The following SLC35F1 variants were observed in gnomAD, a reference collection of about 807,000 sequenced individuals.
SLC35F1 encodes chromosome 6 open reading frame 169.
In SLC35F1, 14 loss-of-function variants were observed where a neutral mutation model predicts 48.7. The observed-to-expected ratio is 0.29, with a 90% CI of 0.19 to 0.45. The LOEUF (loss-of-function observed/expected upper bound fraction) is 0.45, where lower values mean the gene tolerates loss of function less well. Ranked by LOEUF, SLC35F1 falls within the 20% of genes least tolerant of loss-of-function variation. The probability of loss-of-function intolerance (pLI) is 1.00; values close to 1 mark genes in which losing one functional copy is unlikely to be tolerated. For missense variants in SLC35F1, 404 were observed against 500.0 expected (o/e 0.81, Z 1.83); for synonymous variants, 190 against 202.2 (o/e 0.94, Z 0.51).
chr6:118,218,059 A>C (rs1190146798), intron 2 of SLC35F1, among the ~76,000 whole-genome samples: 3 of 152,132 alleles, frequency 2.0e-5, no homozygotes, highest in Non-Finnish European at 4.4e-5. Flanking sequence ...GTAGAATGCA[A>C]GTCTTGGGAT....
chr6:118,121,513 T>C (rs1582677146), intron 1 of SLC35F1, among the ~76,000 whole-genome samples: 1 of 152,280 alleles, frequency 6.6e-6, no homozygotes, highest in Non-Finnish European at 1.5e-5. Flanking sequence ...TATCTGGAAA[T>C]ATTCTTTTCC....
intron 7 of SLC35F1, among the ~76,000 whole-genome samples, chr6:118,301,469 C>A (rs1487229612): frequency 6.6e-6 from 1 of 152,066 alleles, no homozygotes; most frequent in Non-Finnish European, 1.5e-5. Context: ...ACCATCATAA[C>A]TGTATGCAGT....
At chr6:118,176,977 G>A (rs1345628483) in intron 2 of SLC35F1, among the ~76,000 whole-genome samples, 1 of 152,034 alleles carries the variant, frequency 6.6e-6, no homozygotes, top group Non-Finnish European at 1.5e-5. Context: ...TTGCAGGAAA[G>A]CATATTACCA....
At chr6:117,998,592 A>T (rs1446256020) in intron 1 of SLC35F1, among the ~76,000 whole-genome samples, 1 of 150,456 alleles carries the variant, frequency 6.6e-6, no homozygotes, top group African/African-American at 2.4e-5. Flanking sequence ...ACCACAGTGC[A>T]ATCCAACTAG....
intron 2 of SLC35F1, among the ~76,000 whole-genome samples, chr6:118,201,756 G>A (rs558215147): frequency 6.6e-6 from 1 of 152,170 alleles, no homozygotes; most frequent in South Asian, 2.1e-4. Context: ...ATACCCCATT[G>A]GTATGACTAG....
At chr6:118,249,991 G>A (rs933326032) in intron 3 of SLC35F1, among the ~76,000 whole-genome samples, 2 of 152,186 alleles carry the variant, frequency 1.3e-5, no homozygotes, top group Non-Finnish European at 1.5e-5. Context: ...GATTTATACA[G>A]TACAGCTAAC....
intron 7 of SLC35F1, among the ~76,000 whole-genome samples, chr6:118,287,845 T>C (rs1776069665): frequency 6.6e-6 from 1 of 152,210 alleles, no homozygotes; most frequent in African/African-American, 2.4e-5. Context: ...CTGTCATTTG[T>C]ATATTACTAT....
chr6:118,209,664 TA>T (rs1743799980), intron 2 of SLC35F1, among the ~76,000 whole-genome samples: 1 of 152,014 alleles, frequency 6.6e-6, no homozygotes, highest in African/African-American at 2.4e-5. Context: ...TATTAAAGAT[TA>T]TATATATTGT....
At chr6:117,981,089 G>A (rs529451144) in intron 1 of SLC35F1, among the ~76,000 whole-genome samples, 3 of 152,336 alleles carry the variant, frequency 2.0e-5, no homozygotes, top group South Asian at 4.1e-4. Context: ...GGCAAAAGGA[G>A]ATTCCCTGTT....
In SLC35F1 at chr6:118,109,821, T is replaced by G. The variant is rs552280626; in HGVS notation, c.174-44624T>G. The stretch of plus-strand genomic sequence containing the variant: ...TTTCATGACCTGCTTAGTGACCCAG[T>G]GCAGTCAGTTAACAGGCTTCAGAAA... On this transcript the variant is annotated intron_variant, in intron 1 of 7. Transcript: ENST00000360388. Among the ~76,000 whole-genome samples the G allele has an allele frequency of 9.3e-4, 141 of 152,268 alleles. 1 individual carries two copies. Among genetic ancestry groups the G allele is most frequent in the African/African-American group, 3.4e-3 (141 of 41,574 alleles).
chr6:118,294,221 TC>T (rs1409867064), intron 7 of SLC35F1, among the ~76,000 whole-genome samples: 4 of 152,360 alleles, frequency 2.6e-5, no homozygotes, highest in African/African-American at 7.2e-5. Context: ...CCAACTTTTT[TC>T]CTGTTTGAAA....
At chr6:117,931,404 A>G (rs917727867) in intron 1 of SLC35F1, among the ~76,000 whole-genome samples, 1 of 152,198 alleles carries the variant, frequency 6.6e-6, no homozygotes, top group African/African-American at 2.4e-5. Context: ...GGTCATCTTG[A>G]TAATCCCCAA....
intron 1 of SLC35F1, among the ~76,000 whole-genome samples, chr6:118,118,638 T>A (rs1263489265): frequency 6.6e-6 from 1 of 152,226 alleles, no homozygotes; most frequent in Non-Finnish European, 1.5e-5. Flanking sequence ...GTCTTTTTTT[T>A]AATCGAGTTG....
chr6:117,989,987 G>T (rs992463486), intron 1 of SLC35F1, among the ~76,000 whole-genome samples: 9 of 152,054 alleles, frequency 5.9e-5, no homozygotes, highest in African/African-American at 2.2e-4. Context: ...GCAGAGCTGA[G>T]TCCAACTTAG....
At chr6:117,923,407 A>T (rs1306732376) in intron 1 of SLC35F1, among the ~76,000 whole-genome samples, 1 of 151,478 alleles carries the variant, frequency 6.6e-6, no homozygotes, top group Non-Finnish European at 1.5e-5. Context: ...GTATATTGCG[A>T]TAACCTTGCA....
chr6:118,144,208 C>T (rs932784910), intron 1 of SLC35F1, among the ~76,000 whole-genome samples: 3 of 152,074 alleles, frequency 2.0e-5, no homozygotes, highest in Non-Finnish European at 4.4e-5. Flanking sequence ...CAATGATAGA[C>T]TGGATAAAGA....
chr6:117,924,804 T>G (rs548444897), intron 1 of SLC35F1, among the ~76,000 whole-genome samples: 1 of 152,260 alleles, frequency 6.6e-6, no homozygotes, highest in East Asian at 1.9e-4. Flanking sequence ...ATGAAGTCAT[T>G]TGGCTTACAT....
At chr6:118,140,690 T>C in intron 1 of SLC35F1, among the ~76,000 whole-genome samples, 1 of 152,178 alleles carries the variant, frequency 6.6e-6, no homozygotes, top group South Asian at 2.1e-4. Context: ...TCATAGGAGA[T>C]GACAGCTTCA....
intron 3 of SLC35F1, among the ~76,000 whole-genome samples, chr6:118,240,481 C>T (rs1049055215): frequency 2.6e-5 from 4 of 152,170 alleles, no homozygotes; most frequent in African/African-American, 9.7e-5. Context: ...TTACTGAATA[C>T]TTCGTGTTCA....
Sources: gnomAD v4.1 joint callset for allele counts (sites outside exome capture counted in the v4.1 genomes callset) on GRCh38, gnomAD v4.1.1 for gene constraint, MANE v1.5 for transcripts, NCBI Gene and HGNC (gene_info 2026-07-23, HGNC 2026-07-21) for gene names.